Variants in MYO5A observed in about 807,000 individuals in gnomAD.
MYO5A encodes the protein unconventional myosin-Va.
MYO5A carries 98 observed loss-of-function variants against 249.7 expected under a neutral mutation model. That is an observed-to-expected ratio of 0.39 (90% confidence interval 0.33 to 0.46). MYO5A has a LOEUF of 0.46. Ranked by LOEUF, MYO5A falls within the 20% of genes least tolerant of loss-of-function variation. MYO5A has a pLI of 0.98. For synonymous variants in MYO5A, 778 were observed against 810.6 expected (o/e 0.96, Z 0.68); for missense variants, 1,696 against 2,308.8 (o/e 0.73, Z 5.44).
intron 4 of MYO5A, among the ~76,000 whole-genome samples, chr15:52,416,637 G>C (rs747546505): frequency 3.9e-5 from 6 of 152,024 alleles, no homozygotes; most frequent in Non-Finnish European, 2.9e-5. Flanking sequence ...TGGGGTGTGG[G>C]GGAGATCTGT....
intron 5 of MYO5A, among the ~76,000 whole-genome samples, chr15:52,412,531 C>T (rs2043295512): frequency 6.6e-6 from 1 of 152,118 alleles, no homozygotes; most frequent in African/African-American, 2.4e-5. Context: ...TGTAAATTGA[C>T]TAGGATAGTG....
At chr15:52,396,814 G>A (rs1485705267) in intron 10 of MYO5A, among the ~76,000 whole-genome samples, 3 of 152,092 alleles carry the variant, frequency 2.0e-5, no homozygotes, top group Non-Finnish European at 4.4e-5. Context: ...GAGAACCAGA[G>A]AATGAAAAAT....
At position 52,337,804 on chromosome 15, in the gene MYO5A, A is replaced by G. The variant is rs1454050448; in HGVS notation, c.4314+6T>C. 2 of 1,531,008 alleles carry G rather than the reference A, an allele frequency of 1.3e-6. No individual in the cohort carries two copies. The highest frequency in any genetic ancestry group is 8.8e-7 in the Non-Finnish European group (1 of 1,130,700). 94.8% of individuals were successfully genotyped at this position (1,531,008 alleles called of 1,614,324 possible). Reference sequence around the variant, plus strand: ...GACAGCAGAAAAGCACTATGGTTTTACATACAATCATCCGTTTGTAAAGGG... The same window carrying G: ...GACAGCAGAAAAGCACTATGGTTTTGCATACAATCATCCGTTTGTAAAGGG... On this transcript the variant is annotated splice_donor_region_variant and intron_variant, in intron 33 of 41. Transcript: ENST00000399233.
At chr15:52,468,253 G>A (rs1027239140) in intron 1 of MYO5A, among the ~76,000 whole-genome samples, 1 of 152,080 alleles carries the variant, frequency 6.6e-6, no homozygotes, top group Non-Finnish European at 1.5e-5. Flanking sequence ...AGTGAGCCGA[G>A]GTCACACCAC....
Position 52,440,457 on chromosome 15 carries a change from G to A in MYO5A, c.28-7172C>T, listed in dbSNP as rs538739765. Among the ~76,000 whole-genome samples, 14 of 152,164 alleles carry A rather than the reference G, an allele frequency of 9.2e-5. No homozygotes were observed. In the South Asian group the frequency reaches 1.5e-3, roughly 16 times the overall value. ...TAATTTTTATATTATTAGTAGAGAC[G>A]GGGCTTCGCCATGTTGGCCAGGCTG... On this transcript the variant is annotated intron_variant, in intron 1 of 41. Transcript: ENST00000399233.
At chr15:52,330,588 TACA>T (rs1033303999) in intron 34 of MYO5A, 89 bp from the exon 35 acceptor site, 1 of 1,460,154 alleles carries the variant, frequency 6.8e-7, no homozygotes, top group African/African-American at 1.4e-5. Flanking sequence ...GAATGCATTC[TACA>T]ACAACCGAAA....
At chr15:52,425,507 G>A (rs1440857502) in intron 4 of MYO5A, among the ~76,000 whole-genome samples, 2 of 152,022 alleles carry the variant, frequency 1.3e-5, no homozygotes, top group African/African-American at 4.8e-5. Context: ...TTACAAGTGC[G>A]TGCCTCCACA....
At position 52,405,398 on chromosome 15, in the gene MYO5A, A is replaced by T; in HGVS notation, c.947-5T>A. The stretch of plus-strand genomic sequence containing the variant: ...TTTGATGAGATTCACTAATTCCTGA[A>T]ACAAGAGAGTGAATGAACAAGTGAT... On this transcript the variant is annotated splice_polypyrimidine_tract_variant and splice_region_variant and intron_variant, in intron 8 of 41. Transcript: ENST00000399233. The T allele has an allele frequency of 6.3e-7, 1 of 1,582,422 alleles. No homozygotes were observed. The highest frequency in any genetic ancestry group is 8.7e-7 in the Non-Finnish European group (1 of 1,151,428).
intron 1 of MYO5A, among the ~76,000 whole-genome samples, chr15:52,464,464 T>C (rs947919428): frequency 6.6e-6 from 1 of 152,214 alleles, no homozygotes; most frequent in Non-Finnish European, 1.5e-5. Context: ...AGTTTATATA[T>C]GCGTTTTTCT....
intron 6 of MYO5A, among the ~76,000 whole-genome samples, chr15:52,409,728 A>G (rs907658841): frequency 2.0e-5 from 3 of 152,204 alleles, no homozygotes; most frequent in Non-Finnish European, 4.4e-5. Context: ...ACCTATAAAT[A>G]TATAAATGTA....
At position 52,487,421 on chromosome 15, in the gene MYO5A, T is replaced by TA. The variant is rs1199202128; in HGVS notation, c.27+41358dup. Among the ~76,000 whole-genome samples the TA allele has an allele frequency of 2.0e-5, 3 of 151,618 alleles. No individual in the cohort carries two copies. In the East Asian group the frequency reaches 5.8e-4, roughly 29 times the overall value. ...ACAGAGCAGACCCTGTCCCAAAAAT[T>TA]AAAAAAAAATTAAAAATAAGGGCCG... On this transcript the variant is annotated intron_variant, in intron 1 of 41. Transcript: ENST00000399233.
At chr15:52,443,689 C>T (rs1174334204) in intron 1 of MYO5A, among the ~76,000 whole-genome samples, 1 of 136,422 alleles carries the variant, frequency 7.3e-6, no homozygotes, top group Admixed American at 8.1e-5. Flanking sequence ...GCCTGGGCGA[C>T]AGGGCAAGAC....
At chr15:52,410,271 C>A (rs2043191711) in intron 6 of MYO5A, 62 bp downstream of exon 6, 12 of 1,527,416 alleles carry the variant, frequency 7.9e-6, no homozygotes, top group Non-Finnish European at 1.1e-5. Flanking sequence ...TACCAGCAAG[C>A]ATGGACTCAA....
At chr15:52,458,535 A>G (rs1318379497) in intron 1 of MYO5A, among the ~76,000 whole-genome samples, 1 of 152,098 alleles carries the variant, frequency 6.6e-6, no homozygotes, top group African/African-American at 2.4e-5. Context: ...TGAGAGGATC[A>G]TTTGAGCCCA....
intron 1 of MYO5A, among the ~76,000 whole-genome samples, chr15:52,470,881 G>T (rs1432639613): frequency 6.6e-6 from 1 of 151,802 alleles, no homozygotes; most frequent in African/African-American, 2.4e-5. Context: ...AAATTAGCCG[G>T]GCATGGTGAC....
intron 24 of MYO5A, 37 bp downstream of exon 24, chr15:52,364,516 AT>A: frequency 6.3e-7 from 1 of 1,583,362 alleles, no homozygotes; most frequent in Non-Finnish European, 8.6e-7. Flanking sequence ...TATGTTTAAA[AT>A]TTTTCATTAA....
chr15:52,358,509 G>A (rs774713669), intron 25 of MYO5A, among the ~76,000 whole-genome samples: 4 of 152,176 alleles, frequency 2.6e-5, no homozygotes, highest in Non-Finnish European at 2.9e-5. Context: ...CCTTTGCCTT[G>A]AATCTGGGCT....
At chr15:52,457,091 A>G (rs994781862) in intron 1 of MYO5A, among the ~76,000 whole-genome samples, 1 of 152,168 alleles carries the variant, frequency 6.6e-6, no homozygotes, top group African/African-American at 2.4e-5. Context: ...GAATATACAA[A>G]GAACTCAATT....
intron 14 of MYO5A, among the ~76,000 whole-genome samples, chr15:52,387,520 C>T (rs1352291946): frequency 6.6e-6 from 1 of 152,100 alleles, no homozygotes; most frequent in Admixed American, 6.5e-5. Context: ...AAACATTGCA[C>T]AGGAGTTAAA....
Sources: gnomAD v4.1 joint callset for allele counts (sites outside exome capture counted in the v4.1 genomes callset) on GRCh38, gnomAD v4.1.1 for gene constraint, MANE v1.5 for transcripts, NCBI Gene and HGNC (gene_info 2026-07-23, HGNC 2026-07-21) for gene names.